ARB2A: variants seen among roughly 807,000 people sequenced by gnomAD.
ARB2A encodes cotranscriptional regulator ARB2A.
the ARB2A span, among the ~76,000 whole-genome samples, chr5:93,775,412 T>A: frequency 3.3e-5 from 5 of 152,194 alleles, no homozygotes; most frequent in African/African-American, 9.7e-5. Flanking sequence ...ATGCCACTGC[T>A]CACTTGGCTG....
the ARB2A span, among the ~76,000 whole-genome samples, chr5:93,974,489 C>T: frequency 6.6e-6 from 1 of 152,094 alleles, no homozygotes; most frequent in East Asian, 1.9e-4. Flanking sequence ...TATAGCCACA[C>T]AATAATAAGG....
At chr5:93,947,414 T>A in the ARB2A span, among the ~76,000 whole-genome samples, 1 of 151,986 alleles carries the variant, frequency 6.6e-6, no homozygotes, top group Non-Finnish European at 1.5e-5. Context: ...AAACCTCCTT[T>A]TAATAATTAT....
chr5:93,694,516 C>T, the ARB2A span, among the ~76,000 whole-genome samples: 1 of 152,114 alleles, frequency 6.6e-6, no homozygotes, highest in Admixed American at 6.5e-5. Flanking sequence ...GAACTACAAA[C>T]CACTGCTCAA....
At chr5:93,682,701 T>A in the ARB2A span, 1 of 628,294 alleles carries the variant, frequency 1.6e-6, no homozygotes, top group Non-Finnish European at 2.8e-6. Context: ...TTCTTGGCAA[T>A]AGAACCTGGA....
At chr5:93,920,138 C>T in the ARB2A span, among the ~76,000 whole-genome samples, 1 of 152,146 alleles carries the variant, frequency 6.6e-6, no homozygotes. Context: ...GTATAAACCA[C>T]TATATACTAT....
the ARB2A span, chr5:93,863,866 TTTTG>T: frequency 1.3e-5 from 2 of 152,124 alleles, no homozygotes; most frequent in African/African-American, 4.8e-5. Context: ...TTTTAAAATT[TTTTG>T]TTTTAGTTTT....
the ARB2A span, among the ~76,000 whole-genome samples, chr5:93,661,854 G>T: frequency 6.6e-4 from 101 of 152,094 alleles, no homozygotes; most frequent in Non-Finnish European, 1.3e-3. Flanking sequence ...TGAAAAGTCA[G>T]GAAGTCAAGT....
the ARB2A span, among the ~76,000 whole-genome samples, chr5:93,800,031 C>T: frequency 2.5e-4 from 38 of 151,874 alleles, no homozygotes; most frequent in Non-Finnish European, 4.6e-4. Flanking sequence ...TTGAAAAATG[C>T]GAACAGAAAA....
the ARB2A span, among the ~76,000 whole-genome samples, chr5:93,857,267 T>C: frequency 6.6e-6 from 1 of 152,142 alleles, no homozygotes; most frequent in Non-Finnish European, 1.5e-5. Flanking sequence ...GTCTGCCCAT[T>C]CTCAGATCTC....
At chr5:93,668,883 A>G in the ARB2A span, among the ~76,000 whole-genome samples, 1 of 152,212 alleles carries the variant, frequency 6.6e-6, no homozygotes, top group African/African-American at 2.4e-5. Context: ...TAATGCAGAC[A>G]TTGCATCTAC....
At chr5:93,671,621 A>G in the ARB2A span, among the ~76,000 whole-genome samples, 3 of 152,142 alleles carry the variant, frequency 2.0e-5, no homozygotes, top group African/African-American at 7.2e-5. Flanking sequence ...TTTGATTTAC[A>G]AAAAAATTTT....
chr5:93,965,238 G>C, the ARB2A span, among the ~76,000 whole-genome samples: 2 of 151,964 alleles, frequency 1.3e-5, no homozygotes, highest in Non-Finnish European at 2.9e-5. Flanking sequence ...GCTATTGCTT[G>C]TTTTCAACAT....
At chr5:93,927,468 A>G in the ARB2A span, among the ~76,000 whole-genome samples, 1 of 152,130 alleles carries the variant, frequency 6.6e-6, no homozygotes, top group Non-Finnish European at 1.5e-5. Context: ...GACAGCCATA[A>G]AAAGTACATA....
chr5:93,955,056 C>T, the ARB2A span, among the ~76,000 whole-genome samples: 1 of 152,150 alleles, frequency 6.6e-6, no homozygotes, highest in Non-Finnish European at 1.5e-5. Flanking sequence ...ATCGGCGATT[C>T]AAGAGTGTCT....
At chr5:93,680,124 C>T in the ARB2A span, among the ~76,000 whole-genome samples, 1 of 152,082 alleles carries the variant, frequency 6.6e-6, no homozygotes, top group East Asian at 1.9e-4. Flanking sequence ...CACATCGACA[C>T]ACTTTCAAAG....
At chr5:93,871,215 G>A in the ARB2A span, among the ~76,000 whole-genome samples, 1 of 152,104 alleles carries the variant, frequency 6.6e-6, no homozygotes, top group South Asian at 2.1e-4. Flanking sequence ...TGATACTGGT[G>A]GAAATATTAA....
chr5:93,729,605 A>G, the ARB2A span, among the ~76,000 whole-genome samples: 2 of 152,160 alleles, frequency 1.3e-5, no homozygotes, highest in African/African-American at 4.8e-5. Flanking sequence ...GTATACTGAT[A>G]TGTGTATGTA....
chr5:94,038,562 T>C, the ARB2A span, among the ~76,000 whole-genome samples: 22 of 152,216 alleles, frequency 1.4e-4, no homozygotes, highest in African/African-American at 5.3e-4. Flanking sequence ...GAATATTCTT[T>C]TGTGTATTAT....
chr5:93,890,011 T>C, the ARB2A span, among the ~76,000 whole-genome samples: 6 of 151,980 alleles, frequency 3.9e-5, no homozygotes, highest in Admixed American at 1.3e-4. Flanking sequence ...TAAAATTGTA[T>C]GTCACACTAT....
Sources: allele counts gnomAD v4.1 joint callset (sites outside exome capture counted in the v4.1 genomes callset), GRCh38; gene constraint gnomAD v4.1.1; transcripts MANE v1.5; gene names NCBI Gene and HGNC (gene_info 2026-07-23, HGNC 2026-07-21).